The following ZFHX3 variants were observed in gnomAD, a reference collection of about 807,000 sequenced individuals.
ZFHX3 encodes the protein zinc finger homeobox 3.
ZFHX3 carries 42 observed loss-of-function variants against 279.1 expected under a neutral mutation model. The observed-to-expected ratio is 0.15, with a 90% CI of 0.12 to 0.19. ZFHX3 has a LOEUF of 0.19. ZFHX3 is among the 10% of genes least tolerant of loss of function. ZFHX3 has a pLI of 1.00. For synonymous variants in ZFHX3, 2,293 were observed against 1,957.8 expected (o/e 1.17, Z -4.52); for missense variants, 4,981 against 4,754.0 (o/e 1.05, Z -1.40).
intron 2 of ZFHX3, among the ~76,000 whole-genome samples, chr16:73,518,842 A>G (rs2019566433): frequency 6.6e-6 from 1 of 152,168 alleles, no homozygotes; most frequent in Non-Finnish European, 1.5e-5. Context: ...TTTGCCATTA[A>G]AAGGTTAACA....
At chr16:73,683,640 C>G (rs1455957503) in intron 1 of ZFHX3, among the ~76,000 whole-genome samples, 1 of 151,904 alleles carries the variant, frequency 6.6e-6, no homozygotes, top group East Asian at 1.9e-4. Context: ...CTCCTGGACT[C>G]AAGTGATTCT....
At chr16:73,749,125 T>C (rs1443268927) in intron 1 of ZFHX3, among the ~76,000 whole-genome samples, 3 of 152,060 alleles carry the variant, frequency 2.0e-5, no homozygotes, top group Non-Finnish European at 4.4e-5. Context: ...CTTTCAGCCT[T>C]CCAAATACAC....
At chr16:72,900,514 G>A (rs1183405216) in intron 3 of ZFHX3, among the ~76,000 whole-genome samples, 16 of 152,226 alleles carry the variant, frequency 1.1e-4, no homozygotes, top group Non-Finnish European at 2.4e-4. Flanking sequence ...TTCGGAACAT[G>A]TGAAGAACTA....
Position 73,546,690 on chromosome 16 carries a change from TGCTGC to T in ZFHX3, c.-1546-90437_-1546-90433del, listed in dbSNP as rs1596991054. Among the ~76,000 whole-genome samples, 17 of 71,178 alleles carry T rather than the reference TGCTGC, an allele frequency of 2.4e-4. No individual in the cohort carries two copies. In the East Asian group the frequency reaches 4.9e-3, roughly 21 times the overall value. The allele number at this position is 71,178 out of a possible 152,430, so 46.7% of individuals were successfully genotyped here. On this transcript the variant is annotated intron_variant, in intron 2 of 17. Coordinates refer to the ZFHX3 transcript ENST00000641206. ...CTGCTGTTGCTGCTGCTGCTGCTGCTGCTGCTGCTGCTGCTGCTGCTGCTGCTGCT... is the reference window on the plus strand; with the variant it reads ...CTGCTGTTGCTGCTGCTGCTGCTGCTTGCTGCTGCTGCTGCTGCTGCTGCT...
intron 2 of ZFHX3, among the ~76,000 whole-genome samples, chr16:73,508,410 A>AGCATCG (rs1421935706): frequency 6.6e-6 from 1 of 152,234 alleles, no homozygotes; most frequent in Non-Finnish European, 1.5e-5. Context: ...AGCAGCAATA[A>AGCATCG]GCATGTTCCA....
At chr16:73,280,182 A>G (rs1190947268) in intron 4 of ZFHX3, among the ~76,000 whole-genome samples, 1 of 152,196 alleles carries the variant, frequency 6.6e-6, no homozygotes, top group East Asian at 1.9e-4. Context: ...AAGAGAACAT[A>G]GGGGAAAAGA....
At chr16:72,808,050 CAT>C (rs1322644250) in intron 7 of ZFHX3, 1 of 152,198 alleles carries the variant, frequency 6.6e-6, no homozygotes, top group Admixed American at 6.5e-5. Context: ...CATGAACAAA[CAT>C]ATATCGTTAG....
intron 5 of ZFHX3, among the ~76,000 whole-genome samples, chr16:73,202,250 C>G (rs544978078): frequency 5.9e-5 from 9 of 152,294 alleles, no homozygotes; most frequent in Admixed American, 5.9e-4. Context: ...CCTTGAAACT[C>G]TCTAGAATGA....
At chr16:73,835,100 C>G (rs753466952) in intron 1 of ZFHX3, among the ~76,000 whole-genome samples, 1 of 152,092 alleles carries the variant, frequency 6.6e-6, no homozygotes. Flanking sequence ...CCCCCAGCTA[C>G]CAAAAACAAA....
At position 73,273,626 on chromosome 16, in the gene ZFHX3, A is replaced by C. The variant is rs139807486; in HGVS notation, c.-1193-16490T>G. Among the ~76,000 whole-genome samples, 1,126 of 152,276 alleles carry C rather than the reference A, an allele frequency of 7.4e-3. 14 individuals carry two copies. The highest frequency in any genetic ancestry group is 0.01 in the Middle Eastern group (3 of 294). On this transcript the variant is annotated intron_variant, in intron 4 of 17. Coordinates refer to the ZFHX3 transcript ENST00000641206. ...TAAATCCCAGAGATGTTTCCGCATC[A>C]GTTTTTTAAGATCTAGCCCCCTCTT...
chr16:73,378,218 C>T (rs116483313), intron 3 of ZFHX3, among the ~76,000 whole-genome samples: 1,605 of 152,148 alleles, frequency 0.011, 31 homozygotes, highest in African/African-American at 0.036. Flanking sequence ...AAAGAGTCAA[C>T]GTGCTTCCTC....
intron 2 of ZFHX3, among the ~76,000 whole-genome samples, chr16:73,627,701 G>A (rs138781594): frequency 0.012 from 1,761 of 152,276 alleles, 27 homozygotes; most frequent in African/African-American, 0.04. Flanking sequence ...GGTGGATCAC[G>A]AGGTCAGGAG....
chr16:73,656,589 C>A (rs1464685270), intron 2 of ZFHX3, among the ~76,000 whole-genome samples: 2 of 152,128 alleles, frequency 1.3e-5, no homozygotes, highest in East Asian at 3.8e-4. Context: ...TATCCAATAA[C>A]CTTAGTGTGT....
At chr16:73,763,266 C>A (rs2053892471) in intron 1 of ZFHX3, among the ~76,000 whole-genome samples, 1 of 152,128 alleles carries the variant, frequency 6.6e-6, no homozygotes, top group African/African-American at 2.4e-5. Flanking sequence ...TCAAGTCTTA[C>A]CAAATCTTTA....
intron 3 of ZFHX3, among the ~76,000 whole-genome samples, chr16:73,339,733 T>G (rs11866632): frequency 0.72 from 109,020 of 151,992 alleles, 39,668 homozygotes; most frequent in African/African-American, 0.81. Flanking sequence ...CTCCTGGTCA[T>G]TTCCAGACAT....
chr16:73,842,024 G>A (rs1236266095), intron 1 of ZFHX3, among the ~76,000 whole-genome samples: 2 of 151,404 alleles, frequency 1.3e-5, no homozygotes, highest in Admixed American at 1.3e-4. Flanking sequence ...AGACCAGCCT[G>A]ACCAACATGG....
chr16:73,666,737 T>C lies in ZFHX3; in HGVS notation c.-1547+13443A>G, dbSNP rs371175002. Reference sequence around the variant, plus strand: ...CCGAGATACTGAAAAGTTCCATCACTCCTCCCAAATCCCCTTGTACTCTCA... The same window carrying C: ...CCGAGATACTGAAAAGTTCCATCACCCCTCCCAAATCCCCTTGTACTCTCA... On this transcript the variant is annotated intron_variant, in intron 2 of 17. Coordinates refer to the ZFHX3 transcript ENST00000641206. Among the ~76,000 whole-genome samples the C allele has an allele frequency of 1.5e-4, 23 of 151,836 alleles. 1 individual carries two copies. Among genetic ancestry groups the C allele is most frequent in the East Asian group, 5.8e-4 (3 of 5,184 alleles).
At chr16:72,984,021 G>A (rs533550059) in intron 1 of ZFHX3, among the ~76,000 whole-genome samples, 1 of 152,250 alleles carries the variant, frequency 6.6e-6, no homozygotes, top group East Asian at 1.9e-4. Flanking sequence ...TGACCAGCTG[G>A]GGCTTAAATC....
intron 1 of ZFHX3, among the ~76,000 whole-genome samples, chr16:72,960,708 G>A (rs1364344897): frequency 1.3e-5 from 2 of 152,136 alleles, no homozygotes; most frequent in Non-Finnish European, 2.9e-5. Flanking sequence ...ACGGTAAAGT[G>A]GGATAACGCT....
Sources: allele counts gnomAD v4.1 joint callset (sites outside exome capture counted in the v4.1 genomes callset), GRCh38; gene constraint gnomAD v4.1.1; transcripts MANE v1.5; gene names NCBI Gene and HGNC (gene_info 2026-07-23, HGNC 2026-07-21).